Variants in CCNT2 observed in about 807,000 individuals in gnomAD.
CCNT2 encodes cyclin T2, also known as cyclin-T2.
A neutral mutation model predicts 70.0 loss-of-function variants in CCNT2; 18 were observed. That is an observed-to-expected ratio of 0.26 (90% CI 0.18 to 0.38). The LOEUF (loss-of-function observed/expected upper bound fraction) is 0.38. Among genes scored for constraint, CCNT2 ranks in the 10% least tolerant of loss-of-function variants. The pLI, the probability that CCNT2 is intolerant of heterozygous loss-of-function variation, is 1.00. For missense variants in CCNT2, 734 were observed against 890.2 expected (o/e 0.82, Z 2.23); for synonymous variants, 334 against 313.3 (o/e 1.07, Z -0.70).
intron 7 of CCNT2, among the ~76,000 whole-genome samples, chr2:134,951,707 G>A (rs1433123655): frequency 6.6e-6 from 1 of 151,980 alleles, no homozygotes; most frequent in Non-Finnish European, 1.5e-5. Context: ...AGAAAGAAAT[G>A]CAAAATATTG....
chr2:134,939,235 C>T (rs1376371312), intron 4 of CCNT2, among the ~76,000 whole-genome samples, 173 bp downstream of exon 4: 3 of 152,124 alleles, frequency 2.0e-5, no homozygotes, highest in Admixed American at 6.5e-5. Context: ...AATTTAATTT[C>T]ATTTGGCATA....
At chr2:134,945,834 A>G (rs965527678) in intron 5 of CCNT2, 1 of 1,455,630 alleles carries the variant, frequency 6.9e-7, no homozygotes, top group Non-Finnish European at 9.1e-7. Flanking sequence ...TTAACTTAGT[A>G]ACAAGTTTAG....
intron 5 of CCNT2, chr2:134,943,983 C>G (rs992922147): frequency 1.0e-6 from 1 of 965,200 alleles, no homozygotes; most frequent in African/African-American, 1.8e-5. Context: ...TCATTTTATA[C>G]CTAGTGATTT....
intron 2 of CCNT2, among the ~76,000 whole-genome samples, chr2:134,930,798 T>G (rs1391732716): frequency 6.6e-6 from 1 of 152,174 alleles, no homozygotes; most frequent in Non-Finnish European, 1.5e-5. Context: ...ATTAATATTT[T>G]TCTTCTGTAA....
chr2:134,954,739 T>G lies in CCNT2; in HGVS notation c.*91T>G. ...CTTCTGATCTAGCAGTGGTAACCCC[T>G]GCTGTTGCTGCCACTGCTTCAATAT... On this transcript the variant is annotated 3_prime_UTR_variant, in exon 9 of 9. Transcript: ENST00000264157. 1.4e-6 allele frequency: 1 copy of G among 733,888 alleles called. No individual in the cohort carries two copies. The highest frequency in any genetic ancestry group is 1.8e-5 in the South Asian group (1 of 57,136). The allele number at this position is 733,888 out of a possible 1,614,324, so 45.5% of individuals were successfully genotyped here.
rs1682918666 is a variant in CCNT2 at position 134,956,262 on chromosome 2, A to T, written c.*1614A>T. ...GAGTTTAATCTCATGCTCTACCTTTATTTAGCAATTACCTAATTTGCCAGT... is the reference window on the plus strand; with the variant it reads ...GAGTTTAATCTCATGCTCTACCTTTTTTTAGCAATTACCTAATTTGCCAGT... On this transcript the variant is annotated 3_prime_UTR_variant, in exon 9 of 9. Transcript: ENST00000264157. 6.6e-6 allele frequency: 1 copy of T among 152,602 alleles called. No individual in the cohort carries two copies. The highest frequency in any genetic ancestry group is 6.5e-5 in the Admixed American group (1 of 15,280). The allele number at this position is 152,602 out of a possible 1,614,324, so 9.5% of individuals were successfully genotyped here. A position where few individuals can be genotyped will look rare whatever the true frequency, so the allele number is the denominator to read the frequency against.
chr2:134,937,279 C>G (rs118066029), intron 3 of CCNT2, among the ~76,000 whole-genome samples: 1 of 152,320 alleles, frequency 6.6e-6, no homozygotes, highest in East Asian at 1.9e-4. Flanking sequence ...ATCACCTCCG[C>G]TGGAAGCTGT....
In CCNT2 at chr2:134,954,722, C is replaced by A; in HGVS notation, c.*74C>A. On this transcript the variant is annotated 3_prime_UTR_variant, in exon 9 of 9. Coordinates refer to ENST00000264157, the MANE Select transcript of CCNT2 (RefSeq NM_058241.3). ...TTAGAATGGAAAAATTCCTTCTGAT[C>A]TAGCAGTGGTAACCCCTGCTGTTGC... 3.1e-6 allele frequency: 3 copies of A among 958,108 alleles called. No homozygotes were observed. The highest frequency in any genetic ancestry group is 2.2e-4 in the Middle Eastern group (1 of 4,560). The allele number at this position is 958,108 out of a possible 1,614,324, so 59.4% of individuals were successfully genotyped here. A position where few individuals can be genotyped will look rare whatever the true frequency, so the allele number is the denominator to read the frequency against.
rs1681858552 is a variant in CCNT2 at position 134,945,161 on chromosome 2, C to G, written c.494-940C>G. On this transcript the variant is annotated intron_variant, in intron 5 of 8. Transcript: ENST00000264157. ...TAAACCCCAATCCCTTTTGTAAAACCTTTATGTTGATGATCCACATGGGGC... is the reference window on the plus strand; with the variant it reads ...TAAACCCCAATCCCTTTTGTAAAACGTTTATGTTGATGATCCACATGGGGC... 4.1e-6 allele frequency: 4 copies of G among 985,198 alleles called. No homozygotes were observed. In the African/African-American group the frequency reaches 5.2e-5, roughly 13 times the overall value. 61.0% of individuals were successfully genotyped at this position (985,198 alleles called of 1,614,324 possible). A position where few individuals can be genotyped will look rare whatever the true frequency, so the allele number is the denominator to read the frequency against.
At chr2:134,944,513 G>A (rs1014394788) in intron 5 of CCNT2, 1 of 964,020 alleles carries the variant, frequency 1.0e-6, no homozygotes, top group Non-Finnish European at 1.2e-6. Context: ...GAGACATGAA[G>A]TCAGTTTACT....
intron 2 of CCNT2, 112 bp downstream of exon 2, chr2:134,920,003 CGT>C (rs1424390725): frequency 1.6e-6 from 1 of 638,496 alleles, no homozygotes. Flanking sequence ...TAACGGTAAA[CGT>C]ATATCACGTG....
At chr2:134,946,265 G>A in intron 6 of CCNT2, 119 bp downstream of exon 6, 1 of 1,306,164 alleles carries the variant, frequency 7.7e-7, no homozygotes, top group Non-Finnish European at 1.1e-6. Flanking sequence ...CATCTACTGT[G>A]GTGGTACCTT....
At chr2:134,922,078 A>G (rs934735329) in intron 2 of CCNT2, among the ~76,000 whole-genome samples, 1 of 152,168 alleles carries the variant, frequency 6.6e-6, no homozygotes, top group African/African-American at 2.4e-5. Flanking sequence ...CTTTTAGGGC[A>G]AAGGGGGTGG....
In CCNT2 at chr2:134,935,819, AT is replaced by A. The variant is rs1030235658; in HGVS notation, c.241-1020del. Among the ~76,000 whole-genome samples, 11 of 151,918 alleles carry A rather than the reference AT, an allele frequency of 7.2e-5. No individual in the cohort carries two copies. The East Asian group carries it at 7.7e-4, about 11-fold the overall frequency. ...TAATTTACTAAGCTAAAAAAAAAAA[AT>A]TGCTAATTTATGGATCTCTGATTGG... On this transcript the variant is annotated intron_variant, in intron 2 of 8. Transcript: ENST00000264157.
chr2:134,943,951 T>A (rs1334802698), intron 5 of CCNT2: 4 of 956,114 alleles, frequency 4.2e-6, no homozygotes, highest in Non-Finnish European at 5.0e-6. Context: ...TATTCTCACA[T>A]TTTATTCATT....
rs570750591 is a variant in CCNT2, at chr2:134,925,825, A to G, written c.240+5934A>G. On this transcript the variant is annotated intron_variant, in intron 2 of 8. Transcript: ENST00000264157. ...AATTGCTGGATCATATGGTAACTCT[A>G]GATTCCAATAATATTGGAAACTTGG... Among the ~76,000 whole-genome samples the G allele has an allele frequency of 3.4e-5, 5 of 146,218 alleles. No individual in the cohort carries two copies. The East Asian group carries it at 9.9e-4, about 29-fold the overall frequency.
At chr2:134,937,853 G>A (rs1280470193) in intron 3 of CCNT2, among the ~76,000 whole-genome samples, 1 of 152,210 alleles carries the variant, frequency 6.6e-6, no homozygotes, top group Non-Finnish European at 1.5e-5. Context: ...GGCAGAGGTT[G>A]CGGTGAGCTG....
At chr2:134,940,886 G>A (rs1392105793) in intron 4 of CCNT2, among the ~76,000 whole-genome samples, 5 of 152,152 alleles carry the variant, frequency 3.3e-5, no homozygotes, top group Non-Finnish European at 5.9e-5. Context: ...TGTAGATTGA[G>A]GTCTGTAGCT....
rs1682869172 is a variant in CCNT2 at position 134,955,404 on chromosome 2, C to T, written c.*756C>T. 1 of 152,602 alleles carries T rather than the reference C, an allele frequency of 6.6e-6. No individual in the cohort carries two copies. The highest frequency in any genetic ancestry group is 6.5e-5 in the Admixed American group (1 of 15,286). 9.5% of individuals were successfully genotyped at this position (152,602 alleles called of 1,614,324 possible). A position where few individuals can be genotyped will look rare whatever the true frequency, so the allele number is the denominator to read the frequency against. The stretch of plus-strand genomic sequence containing the variant: ...CCTTCAGAGGTTCTGACCAGATTGG[C>T]TGCTGAAATAGCCCCTAACTTTCTG... On this transcript the variant is annotated 3_prime_UTR_variant, in exon 9 of 9. Transcript: ENST00000264157.
Sources: allele counts gnomAD v4.1 joint callset (sites outside exome capture counted in the v4.1 genomes callset), GRCh38; gene constraint gnomAD v4.1.1; transcripts MANE v1.5; gene names NCBI Gene and HGNC (gene_info 2026-07-23, HGNC 2026-07-21).